Variants in FBXO8 observed in about 807,000 individuals in gnomAD.
FBXO8 encodes the protein F-box protein 8.
In FBXO8, 15 loss-of-function variants were observed where a neutral mutation model predicts 33.4. The ratio of observed to expected loss-of-function variants is 0.45; its 90% CI spans 0.30 to 0.69. The LOEUF is 0.69. Ranked by LOEUF, FBXO8 falls within the 30% of genes least tolerant of loss-of-function variation. The pLI is 0.08. For synonymous variants in FBXO8, 132 were observed against 131.5 expected, an observed-to-expected ratio of 1.00 and a Z score of -0.02; for missense variants, 274 against 380.3, an observed-to-expected ratio of 0.72 and a Z score of 2.32.
chr4:174,251,046 T>C lies in FBXO8; in HGVS notation c.456+8653A>G, dbSNP rs1412371749. Among the ~76,000 whole-genome samples, 1 of 152,130 alleles carries C rather than the reference T, an allele frequency of 6.6e-6. No homozygotes were observed. The highest frequency in any genetic ancestry group is 1.5e-5 in the Non-Finnish European group (1 of 68,012). On this transcript the variant is annotated intron_variant, in intron 3 of 5. Coordinates refer to ENST00000393674, the MANE Select transcript of FBXO8 (RefSeq NM_012180.3). This position sits in a 1 kb window ranked among gnomAD's most constrained non-coding sequence, Gnocchi z 4.2. The stretch of plus-strand genomic sequence containing the variant: ...GCACTTAAAAAGCTCAATGTACCAC[T>C]GTAAAGTCTCTAGTTACAATTACTT...
Position 174,237,499 on chromosome 4 carries a change from A to C in FBXO8, c.873T>G (p.Asn291Lys), listed in dbSNP as rs1560863349. The change falls in exon 6 of 6, where the codon AAT becomes AAG. Residue 291 changes from asparagine (N) to lysine (K), a missense_variant. This residue lies in a region of FBXO8 where 186 missense variants were observed against 293.4 expected (regional missense o/e 0.63). Transcript: ENST00000393674. The surrounding 1 kb of genome is among the most constrained non-coding windows in gnomAD (Gnocchi z 4.4). ...TAATATTTTGAGCAGCGCGACGGGT[A>C]TTTCGAATAAATTCCCTTTTTGACA... ...NKMSKREFIR[N>K]TRRAAQNISE... is the part of the protein sequence containing the mutation. 2 of 1,613,836 alleles carry C rather than the reference A, an allele frequency of 1.2e-6. No individual in the cohort carries two copies.
In FBXO8 at chr4:174,257,769, C is replaced by G. The variant is rs1036320850; in HGVS notation, c.456+1930G>C. On this transcript the variant is annotated intron_variant, in intron 3 of 5. Coordinates refer to ENST00000393674, the MANE Select transcript of FBXO8 (RefSeq NM_012180.3). This position sits in a 1 kb window ranked among gnomAD's most constrained non-coding sequence, Gnocchi z 4.3. Reference sequence around the variant, plus strand: ...TCTTTATTATGATTATGATTATTATCATTGAGACAGAGTCTCACTCTCACA... The same window carrying G: ...TCTTTATTATGATTATGATTATTATGATTGAGACAGAGTCTCACTCTCACA... Among the ~76,000 whole-genome samples, 1 of 152,116 alleles carries G rather than the reference C, an allele frequency of 6.6e-6. No individual in the cohort carries two copies.
Position 174,252,084 on chromosome 4 carries a change from T to TC in FBXO8, c.456+7614dup, listed in dbSNP as rs1286737503. On this transcript the variant is annotated intron_variant, in intron 3 of 5. Transcript: ENST00000393674. This position sits in a 1 kb window ranked among gnomAD's most constrained non-coding sequence, Gnocchi z 5.1. ...CCTGGACTCAAGTGATCCTCCCACC[T>TC]CAGCCCCCTAAGTAGCTGCGACTCC... 6.6e-6 allele frequency among the ~76,000 whole-genome samples: 1 copy of TC among 152,082 alleles called. No individual in the cohort carries two copies. The highest frequency in any genetic ancestry group is 2.4e-5 in the African/African-American group (1 of 41,430).
chr4:174,265,219 C>T lies in FBXO8; in HGVS notation c.-8-2119G>A, dbSNP rs984340999. On this transcript the variant is annotated intron_variant, in intron 1 of 5. Transcript: ENST00000393674. This position sits in a 1 kb window ranked among gnomAD's most constrained non-coding sequence, Gnocchi z 4.7. ...CATACTTTGTATGATTCAGCATTAG[C>T]TGAATCATTTACCTAAATAAAAGCT... is the stretch of plus-strand genomic sequence containing the variant. 8.6e-5 allele frequency among the ~76,000 whole-genome samples: 13 copies of T among 151,656 alleles called. No individual in the cohort carries two copies. Among genetic ancestry groups the T allele is most frequent in the African/African-American group, 2.9e-4 (12 of 41,264 alleles).
In FBXO8 at chr4:174,262,313, T is replaced by C. The variant is rs1378937702; in HGVS notation, c.329+451A>G. Among the ~76,000 whole-genome samples the C allele has an allele frequency of 6.6e-6, 1 of 152,214 alleles. No homozygotes were observed. The highest frequency in any genetic ancestry group is 1.5e-5 in the Non-Finnish European group (1 of 68,028). ...AGAATTGAGTAAAAATGTAAGGCTC[T>C]ATATGAAGAAAATTAAAAACAGTAA... On this transcript the variant is annotated intron_variant, in intron 2 of 5. Coordinates refer to ENST00000393674, the MANE Select transcript of FBXO8 (RefSeq NM_012180.3). The surrounding 1 kb of genome is among the most constrained non-coding windows in gnomAD (Gnocchi z 4.6).
chr4:174,255,768 A>T lies in FBXO8; in HGVS notation c.456+3931T>A, dbSNP rs915123819. Among the ~76,000 whole-genome samples, 2 of 152,226 alleles carry T rather than the reference A, an allele frequency of 1.3e-5. No homozygotes were observed. The highest frequency in any genetic ancestry group is 4.8e-5 in the African/African-American group (2 of 41,462). On this transcript the variant is annotated intron_variant, in intron 3 of 5. Transcript: ENST00000393674. The surrounding 1 kb of genome is among the most constrained non-coding windows in gnomAD (Gnocchi z 4.3). Reference sequence around the variant, plus strand: ...AAGAAAGTGTTTTAATATACATTGGAGCACAAGTAATATAGTTTACTGGTT... The same window carrying T: ...AAGAAAGTGTTTTAATATACATTGGTGCACAAGTAATATAGTTTACTGGTT...
chr4:174,272,899 C>T lies in FBXO8; in HGVS notation c.-8-9799G>A, dbSNP rs1238382426. ...TAGATGTGATGCCCTGAGGACACAACATCATTATATAGTATTCCAGCCAAA... is the reference window on the plus strand; with the variant it reads ...TAGATGTGATGCCCTGAGGACACAATATCATTATATAGTATTCCAGCCAAA... On this transcript the variant is annotated intron_variant, in intron 1 of 5. Coordinates refer to ENST00000393674, the MANE Select transcript of FBXO8 (RefSeq NM_012180.3). The surrounding 1 kb of genome is among the most constrained non-coding windows in gnomAD (Gnocchi z 4.7). Among the ~76,000 whole-genome samples, 4 of 152,090 alleles carry T rather than the reference C, an allele frequency of 2.6e-5. No homozygotes were observed. Among genetic ancestry groups the T allele is most frequent in the Admixed American group, 6.5e-5 (1 of 15,278 alleles).
rs770853024 is a variant in FBXO8 at position 174,259,663 on chromosome 4, G to A, written c.456+36C>T. ...AAAGCTGCAGCAAGATAGTAATAAA[G>A]GTCACTGGATACAAATATTCAAGTT... On this transcript the variant is annotated intron_variant, in intron 3 of 5. Transcript: ENST00000393674. This position sits in a 1 kb window ranked among gnomAD's most constrained non-coding sequence, Gnocchi z 4.3. 2.5e-6 allele frequency: 4 copies of A among 1,597,172 alleles called. No individual in the cohort carries two copies. The highest frequency in any genetic ancestry group is 2.3e-5 in the South Asian group (2 of 87,800).
Position 174,277,664 on chromosome 4 carries a change from T to C in FBXO8, c.-9+5746A>G, listed in dbSNP as rs754796674. The stretch of plus-strand genomic sequence containing the variant: ...AATCATTGGTATGTAATGACTGACA[T>C]ATGAATAGCCTCATTTAAATACACA... On this transcript the variant is annotated intron_variant, in intron 1 of 5. Transcript: ENST00000393674. This position sits in a 1 kb window ranked among gnomAD's most constrained non-coding sequence, Gnocchi z 4.9. 1.3e-5 allele frequency among the ~76,000 whole-genome samples: 2 copies of C among 152,162 alleles called. No individual in the cohort carries two copies. The highest frequency in any genetic ancestry group is 6.5e-5 in the Admixed American group (1 of 15,282).
rs1270779951 is a variant in FBXO8, at chr4:174,282,696, AT to A, written c.-9+713del. 1.4e-4 allele frequency among the ~76,000 whole-genome samples: 22 copies of A among 152,288 alleles called. 1 individual carries two copies. The highest frequency in any genetic ancestry group is 1.5e-5 in the Non-Finnish European group (1 of 68,006). ...TTTACCGTAATAAAAATCATGATAT[AT>A]TCATTTGTGGATATACACCTAGGAG... On this transcript the variant is annotated intron_variant, in intron 1 of 5. Transcript: ENST00000393674.
At chr4:174,248,776 G>A (rs1736220442) in intron 3 of FBXO8, among the ~76,000 whole-genome samples, 1 of 151,998 alleles carries the variant, frequency 6.6e-6, no homozygotes, top group Non-Finnish European at 1.5e-5. Context: ...AATGATTTAT[G>A]GAAGACTTTT....
At chr4:174,276,011 T>A (rs1736952725) in intron 1 of FBXO8, among the ~76,000 whole-genome samples, 1 of 152,170 alleles carries the variant, frequency 6.6e-6, no homozygotes, top group Admixed American at 6.5e-5. Context: ...GTATAATTAC[T>A]TATTTAAAAA....
rs1279427958 is a variant in FBXO8, at chr4:174,271,000, C to CT, written c.-8-7901dup. Among the ~76,000 whole-genome samples the CT allele has an allele frequency of 6.6e-6, 1 of 152,082 alleles. No homozygotes were observed. On this transcript the variant is annotated intron_variant, in intron 1 of 5. Transcript: ENST00000393674. This position sits in a 1 kb window ranked among gnomAD's most constrained non-coding sequence, Gnocchi z 4.6. The stretch of plus-strand genomic sequence containing the variant: ...ACAGAAGAAACAATTTTTGGACTCA[C>CT]TTTTGAAACAATCTTTTATGGAACT...
rs1736136120 is a variant in FBXO8 at position 174,245,322 on chromosome 4, A to G, written c.457-4104T>C. Reference sequence around the variant, plus strand: ...AGTCACTATGGGATAGGACGTTTGGATAAGGTTTCCTGCTAGAGATTAGAC... The same window carrying G: ...AGTCACTATGGGATAGGACGTTTGGGTAAGGTTTCCTGCTAGAGATTAGAC... On this transcript the variant is annotated intron_variant, in intron 3 of 5. Transcript: ENST00000393674. The surrounding 1 kb of genome is among the most constrained non-coding windows in gnomAD (Gnocchi z 4.6). 6.6e-6 allele frequency among the ~76,000 whole-genome samples: 1 copy of G among 151,826 alleles called. No individual in the cohort carries two copies.
In FBXO8 at chr4:174,251,870, A is replaced by G. The variant is rs1208956936; in HGVS notation, c.456+7829T>C. ...TACAGAGGGGGGAGCTACTTAAGCCATATTTGGTGAGGGACTCCTCTCACT... is the reference window on the plus strand; with the variant it reads ...TACAGAGGGGGGAGCTACTTAAGCCGTATTTGGTGAGGGACTCCTCTCACT... On this transcript the variant is annotated intron_variant, in intron 3 of 5. Coordinates refer to ENST00000393674, the MANE Select transcript of FBXO8 (RefSeq NM_012180.3). This position sits in a 1 kb window ranked among gnomAD's most constrained non-coding sequence, Gnocchi z 4.2. 6.6e-6 allele frequency among the ~76,000 whole-genome samples: 1 copy of G among 152,138 alleles called. No individual in the cohort carries two copies. The highest frequency in any genetic ancestry group is 1.9e-4 in the East Asian group (1 of 5,182).
In FBXO8 at chr4:174,262,027, A is replaced by G. The variant is rs1047999855; in HGVS notation, c.329+737T>C. Among the ~76,000 whole-genome samples the G allele has an allele frequency of 1.3e-5, 2 of 152,128 alleles. No homozygotes were observed. The highest frequency in any genetic ancestry group is 4.8e-5 in the African/African-American group (2 of 41,454). ...ATGTACCTATACTTTTTGTTAAAGTATATGATGCTATTTAAGGAGTAACTT... is the reference window on the plus strand; with the variant it reads ...ATGTACCTATACTTTTTGTTAAAGTGTATGATGCTATTTAAGGAGTAACTT... On this transcript the variant is annotated intron_variant, in intron 2 of 5. Transcript: ENST00000393674. The surrounding 1 kb of genome is among the most constrained non-coding windows in gnomAD (Gnocchi z 4.6).
Position 174,247,731 on chromosome 4 carries a change from A to G in FBXO8, c.457-6513T>C, listed in dbSNP as rs1736192132. 6.6e-6 allele frequency among the ~76,000 whole-genome samples: 1 copy of G among 152,078 alleles called. No individual in the cohort carries two copies. The highest frequency in any genetic ancestry group is 1.5e-5 in the Non-Finnish European group (1 of 67,972). The stretch of plus-strand genomic sequence containing the variant: ...TAATGTAAAAATTAAGTGACACAAT[A>G]TACGTTATTAATAGTAAAAATAATT... On this transcript the variant is annotated intron_variant, in intron 3 of 5. Transcript: ENST00000393674. The surrounding 1 kb of genome is among the most constrained non-coding windows in gnomAD (Gnocchi z 4.6).
intron 3 of FBXO8, among the ~76,000 whole-genome samples, chr4:174,246,987 T>C (rs925947423): frequency 6.6e-6 from 1 of 151,734 alleles, no homozygotes; most frequent in East Asian, 1.9e-4. Flanking sequence ...ACTAAAGGAG[T>C]GCCAAGCAGC....
chr4:174,237,648 T>C lies in FBXO8; in HGVS notation c.773-49A>G, dbSNP rs375166384. 1.7e-5 allele frequency: 25 copies of C among 1,479,160 alleles called. No individual in the cohort carries two copies. In the African/African-American group the frequency reaches 3.1e-4, roughly 18 times the overall value. 91.6% of individuals were successfully genotyped at this position (1,479,160 alleles called of 1,614,324 possible). ...AAATTATTAGTTGGTTTACAAAATATGATTCCAATGGCATTATATAAGGCA... is the reference window on the plus strand; with the variant it reads ...AAATTATTAGTTGGTTTACAAAATACGATTCCAATGGCATTATATAAGGCA... On this transcript the variant is annotated intron_variant, in intron 5 of 5. Transcript: ENST00000393674. The surrounding 1 kb of genome is among the most constrained non-coding windows in gnomAD (Gnocchi z 4.4).
Sources: allele counts gnomAD v4.1 joint callset (sites outside exome capture counted in the v4.1 genomes callset), GRCh38; gene constraint gnomAD v4.1.1; regional missense constraint gnomAD v4.1.1; non-coding constraint Gnocchi (gnomAD v3.1); transcripts MANE v1.5; gene names NCBI Gene and HGNC (gene_info 2026-07-23, HGNC 2026-07-21).